The following FBN2 variants were observed in gnomAD, a reference collection of about 807,000 sequenced individuals.
FBN2 encodes fibrillin-2.
In FBN2, 105 loss-of-function variants were observed where a neutral mutation model predicts 355.6. The ratio of observed to expected loss-of-function variants is 0.30; its 90% CI spans 0.25 to 0.35. The LOEUF is 0.35. Among genes scored for constraint, FBN2 ranks in the 10% least tolerant of loss-of-function variants. The pLI, the probability that FBN2 is intolerant of heterozygous loss-of-function variation, is 1.00. For missense variants in FBN2, 3,280 were observed against 3,758.7 expected, an observed-to-expected ratio of 0.87 and a Z score of 3.33; for synonymous variants, 1,350 against 1,301.2, an observed-to-expected ratio of 1.04 and a Z score of -0.81.
chr5:128,384,626 A>G (rs1268879017), intron 11 of FBN2, among the ~76,000 whole-genome samples: 1 of 152,098 alleles, frequency 6.6e-6, no homozygotes, highest in Non-Finnish European at 1.5e-5. Context: ...CATATCTTTA[A>G]GAGCTTCATT....
intron 44 of FBN2, 67 bp from the exon 45 acceptor site, chr5:128,305,149 T>C (rs1465677265): frequency 4.4e-6 from 6 of 1,357,280 alleles, no homozygotes; most frequent in Non-Finnish European, 6.2e-6. Context: ...TTTTTCACAG[T>C]TGTGTTTCTC....
At position 128,456,003 on chromosome 5, in the gene FBN2, A is replaced by AAAAAAAAAAAAAAAC. The variant is rs1561465934; in HGVS notation, c.826+8720_826+8721insGTTTTTTTTTTTTTT. 4.2e-5 allele frequency among the ~76,000 whole-genome samples: 6 copies of AAAAAAAAAAAAAAAC among 141,764 alleles called. No homozygotes were observed. In the South Asian group the frequency reaches 9.5e-4, roughly 23 times the overall value. The allele number at this position is 141,764 out of a possible 152,430, so 93.0% of individuals were successfully genotyped here. A position where few individuals can be genotyped will look rare whatever the true frequency, so the allele number is the denominator to read the frequency against. ...GAGGGTTAGCAACAAAAAAAAAAAA[A>AAAAAAAAAAAAAAAC]AAAAAAAAAAAAAAAAAAAAGCAAC... is the stretch of plus-strand genomic sequence containing the variant. On this transcript the variant is annotated intron_variant, in intron 6 of 64. Coordinates refer to ENST00000262464, the MANE Select transcript of FBN2 (RefSeq NM_001999.4).
chr5:128,423,700 A>G (rs1753412962), intron 7 of FBN2, among the ~76,000 whole-genome samples: 1 of 152,196 alleles, frequency 6.6e-6, no homozygotes. Context: ...AAACAGAATG[A>G]TCAGGCAGGA....
chr5:128,398,337 T>C (rs6873360), intron 8 of FBN2, among the ~76,000 whole-genome samples: 18,783 of 151,184 alleles, frequency 0.12, 1,507 homozygotes, highest in African/African-American at 0.22. Flanking sequence ...AATGGTCAGA[T>C]CAATTCTGAC....
chr5:128,377,373 G>A (rs562144567), intron 13 of FBN2, among the ~76,000 whole-genome samples: 143 of 152,138 alleles, frequency 9.4e-4, no homozygotes, highest in Non-Finnish European at 1.8e-3. Context: ...GTGGAGGAAG[G>A]GAAGACCTTT....
rs1479954065 is a variant in FBN2 at position 128,537,265 on chromosome 5, C to A, written c.254+85G>T. 2.5e-6 allele frequency: 4 copies of A among 1,578,078 alleles called. No homozygotes were observed. In the East Asian group the frequency reaches 6.8e-5, roughly 27 times the overall value. ...TAGGCTCCAGCTAAAGGGTCTGGGA[C>A]GGAGTGGGCCAGAAAGCCGCCAAAC... On this transcript the variant is annotated intron_variant, in intron 1 of 64. Transcript: ENST00000262464.
intron 11 of FBN2, among the ~76,000 whole-genome samples, chr5:128,390,373 C>CT (rs545612145): frequency 1.0e-4 from 15 of 146,296 alleles, no homozygotes; most frequent in African/African-American, 1.5e-4. Flanking sequence ...ATGCTATTTA[C>CT]TTTTTTTTTT....
At chr5:128,340,267 G>C (rs1169702182) in intron 25 of FBN2, among the ~76,000 whole-genome samples, 1 of 152,094 alleles carries the variant, frequency 6.6e-6, no homozygotes, top group Admixed American at 6.5e-5. Context: ...AAAATCACAG[G>C]ATTTAGTGCA....
intron 5 of FBN2, among the ~76,000 whole-genome samples, chr5:128,493,011 TGG>T (rs1755553456): frequency 6.6e-6 from 1 of 152,086 alleles, no homozygotes; most frequent in African/African-American, 2.4e-5. Flanking sequence ...AAAAATTTCC[TGG>T]GCAAGTGCTA....
At chr5:128,489,797 TAAAG>T (rs1239043331) in intron 5 of FBN2, among the ~76,000 whole-genome samples, 2 of 152,038 alleles carry the variant, frequency 1.3e-5, no homozygotes, top group East Asian at 3.9e-4. Flanking sequence ...CACAGCAACA[TAAAG>T]AAAAAGGATG....
chr5:128,523,974 T>A (rs1756502466), intron 4 of FBN2, among the ~76,000 whole-genome samples: 1 of 152,030 alleles, frequency 6.6e-6, no homozygotes, highest in African/African-American at 2.4e-5. Context: ...GATTTTTTTT[T>A]AATGTTAACC....
Position 128,277,905 on chromosome 5 carries a change from TGTG to T in FBN2, c.7443_7445del (p.Thr2482del). On this transcript the variant is annotated inframe_deletion, in exon 58 of 65. Coordinates refer to ENST00000262464, the MANE Select transcript of FBN2 (RefSeq NM_001999.4). ...CTATACAAGAGGTTCCACTGATGTCTGTGGTGTAGCCAACCTTGCAGAAGCATC... is the reference window on the plus strand; with the variant it reads ...CTATACAAGAGGTTCCACTGATGTCTGTGTAGCCAACCTTGCAGAAGCATC... The T allele has an allele frequency of 6.2e-7, 1 of 1,614,160 alleles. No homozygotes were observed. Among genetic ancestry groups the T allele is most frequent in the Non-Finnish European group, 8.5e-7 (1 of 1,180,002 alleles).
intron 51 of FBN2, 48 bp from the exon 52 acceptor site, chr5:128,289,300 C>T (rs996075760): frequency 1.2e-5 from 19 of 1,605,376 alleles, no homozygotes; most frequent in East Asian, 6.7e-5. Context: ...AAAGATATGC[C>T]GGCCAGGCGC....
At chr5:128,493,406 T>G (rs1171086845) in intron 5 of FBN2, among the ~76,000 whole-genome samples, 1 of 152,196 alleles carries the variant, frequency 6.6e-6, no homozygotes, top group Non-Finnish European at 1.5e-5. Context: ...ATAATAATGA[T>G]GATAACAGCT....
intron 6 of FBN2, among the ~76,000 whole-genome samples, chr5:128,462,124 A>C (rs546119525): frequency 5.3e-5 from 8 of 152,288 alleles, no homozygotes; most frequent in South Asian, 2.1e-4. Context: ...CATCAGCTAC[A>C]GGATATCATT....
At chr5:128,316,372 C>T (rs960827567) in intron 36 of FBN2, among the ~76,000 whole-genome samples, 3 of 152,160 alleles carry the variant, frequency 2.0e-5, no homozygotes, top group Non-Finnish European at 4.4e-5. Context: ...AACAAGATCT[C>T]TTAATATTTT....
At chr5:128,357,434 T>A in intron 19 of FBN2, 39 bp from the exon 20 acceptor site, 2 of 1,612,870 alleles carry the variant, frequency 1.2e-6, no homozygotes, top group Non-Finnish European at 1.7e-6. Flanking sequence ...AGAACTGCCA[T>A]GTGTTTCTGG....
At chr5:128,468,053 C>T (rs910973334) in intron 5 of FBN2, among the ~76,000 whole-genome samples, 3 of 152,152 alleles carry the variant, frequency 2.0e-5, no homozygotes, top group African/African-American at 7.2e-5. Context: ...ACCATCACCA[C>T]AATCCAGTTT....
At chr5:128,373,480 C>T (rs1242237154) in intron 15 of FBN2, among the ~76,000 whole-genome samples, 4 of 152,098 alleles carry the variant, frequency 2.6e-5, no homozygotes, top group African/African-American at 9.7e-5. Flanking sequence ...ACTTCTTCTC[C>T]TCCACCTTTG....
Sources: allele counts gnomAD v4.1 joint callset (sites outside exome capture counted in the v4.1 genomes callset), GRCh38; gene constraint gnomAD v4.1.1; transcripts MANE v1.5; gene names NCBI Gene and HGNC (gene_info 2026-07-23, HGNC 2026-07-21).